The following CCDC148 variants were observed in gnomAD, a reference collection of about 807,000 sequenced individuals.
The protein encoded by CCDC148 is coiled-coil domain containing 148.
In CCDC148, 89 loss-of-function variants were observed where a neutral mutation model predicts 85.7. The ratio of observed to expected loss-of-function variants is 1.04; its 90% CI spans 0.87 to 1.24. CCDC148 has a LOEUF of 1.24. Ranked by LOEUF, CCDC148 falls within the 50% of genes most tolerant of loss-of-function variation. The pLI, the probability that CCDC148 is intolerant of heterozygous loss-of-function variation, is 0.00. For missense variants in CCDC148, 692 were observed against 671.7 expected (o/e 1.03, Z -0.33); for synonymous variants, 230 against 213.9 (o/e 1.08, Z -0.66).
At position 158,327,739 on chromosome 2, in the gene CCDC148, T is replaced by C. The variant is rs139839543; in HGVS notation, c.764+10987A>G. Among the ~76,000 whole-genome samples the C allele has an allele frequency of 4.2e-3, 637 of 152,316 alleles. 1 individual carries two copies. The highest frequency in any genetic ancestry group is 0.014 in the African/African-American group (599 of 41,576). ...TTATTGATATCGTTAAATTCATATA[T>C]TGATGGAAAATATCTCTATAATTAT... On this transcript the variant is annotated intron_variant, in intron 7 of 13. Transcript: ENST00000283233.
At chr2:158,180,047 C>A (rs1684815861) in intron 11 of CCDC148, among the ~76,000 whole-genome samples, 1 of 152,148 alleles carries the variant, frequency 6.6e-6, no homozygotes, top group African/African-American at 2.4e-5. Context: ...AGATGGAATT[C>A]ATCCTTTCAA....
intron 10 of CCDC148, among the ~76,000 whole-genome samples, chr2:158,247,752 A>C (rs1437686422): frequency 6.6e-6 from 1 of 152,068 alleles, no homozygotes; most frequent in Non-Finnish European, 1.5e-5. Context: ...GCTACTCAGG[A>C]GGCTGAGGCA....
chr2:158,339,188 G>T (rs544211888), intron 5 of CCDC148, 103 bp from the exon 6 acceptor site: 3 of 890,666 alleles, frequency 3.4e-6, no homozygotes, highest in African/African-American at 3.3e-5. Flanking sequence ...CAGTGATGAA[G>T]TTTAAAGACC....
intron 9 of CCDC148, among the ~76,000 whole-genome samples, chr2:158,270,033 T>G (rs1689631507): frequency 6.6e-6 from 1 of 152,202 alleles, no homozygotes; most frequent in African/African-American, 2.4e-5. Flanking sequence ...AGGCATGTCT[T>G]CAAGCATGAG....
At chr2:158,203,848 T>A (rs1007965563) in intron 11 of CCDC148, among the ~76,000 whole-genome samples, 3 of 152,202 alleles carry the variant, frequency 2.0e-5, no homozygotes, top group Non-Finnish European at 4.4e-5. Context: ...GATTTAAACA[T>A]TAAAACCATT....
chr2:158,435,666 A>G (rs543822960), intron 1 of CCDC148, among the ~76,000 whole-genome samples: 189 of 152,348 alleles, frequency 1.2e-3, no homozygotes, highest in African/African-American at 4.4e-3. Flanking sequence ...GCTCCAATTA[A>G]AAGACACAGA....
At chr2:158,225,578 A>C (rs1424661133) in intron 10 of CCDC148, among the ~76,000 whole-genome samples, 1 of 152,240 alleles carries the variant, frequency 6.6e-6, no homozygotes, top group Non-Finnish European at 1.5e-5. Context: ...CAGCAAATGT[A>C]AAAGAATAGA....
intron 10 of CCDC148, among the ~76,000 whole-genome samples, chr2:158,227,191 G>A (rs1038278072): frequency 2.0e-4 from 30 of 152,042 alleles, no homozygotes; most frequent in African/African-American, 7.2e-4. Flanking sequence ...AATCATGAGT[G>A]AACTCCCATT....
At position 158,438,731 on chromosome 2, in the gene CCDC148, C is replaced by T. The variant is rs566304537; in HGVS notation, c.25+17684G>A. Among the ~76,000 whole-genome samples the T allele has an allele frequency of 2.8e-3, 427 of 152,242 alleles. 3 individuals are homozygous for T. The highest frequency in any genetic ancestry group is 9.6e-3 in the African/African-American group (400 of 41,534). On this transcript the variant is annotated intron_variant, in intron 1 of 13. Transcript: ENST00000283233. Reference sequence around the variant, plus strand: ...AAATTTTTGCAATCTACTCATCTGACGAAGGGCTAATATCCAGAATCTACA... The same window carrying T: ...AAATTTTTGCAATCTACTCATCTGATGAAGGGCTAATATCCAGAATCTACA...
chr2:158,456,398 A>G lies in CCDC148; in HGVS notation c.25+17T>C. ...TCAGGAGGAAGCAGCGATGGAAGGGATGGGGTGCAAACTCACCTGGAGAAG... is the reference window on the plus strand; with the variant it reads ...TCAGGAGGAAGCAGCGATGGAAGGGGTGGGGTGCAAACTCACCTGGAGAAG... On this transcript the variant is annotated intron_variant, in intron 1 of 13. Transcript: ENST00000283233. 6.2e-7 allele frequency: 1 copy of G among 1,611,138 alleles called. No individual in the cohort carries two copies. Among genetic ancestry groups the G allele is most frequent in the Non-Finnish European group, 8.5e-7 (1 of 1,178,742 alleles).
chr2:158,202,896 T>C (rs1222535941), intron 11 of CCDC148, among the ~76,000 whole-genome samples: 2 of 152,232 alleles, frequency 1.3e-5, no homozygotes, highest in African/African-American at 2.4e-5. Flanking sequence ...GGCTGCCCTT[T>C]AGCTGCCTAG....
At chr2:158,288,694 C>T (rs1191255648) in intron 9 of CCDC148, 3 of 313,358 alleles carry the variant, frequency 9.6e-6, no homozygotes, top group African/African-American at 6.8e-5. Flanking sequence ...TCTGAGCCTT[C>T]CACACTGTTC....
At chr2:158,193,925 G>C (rs1293348747) in intron 11 of CCDC148, among the ~76,000 whole-genome samples, 3 of 131,014 alleles carry the variant, frequency 2.3e-5, no homozygotes, top group African/African-American at 9.0e-5. Flanking sequence ...TAAATGATGA[G>C]TTAATGGGTG....
At chr2:158,272,267 G>A (rs1689731228) in intron 9 of CCDC148, among the ~76,000 whole-genome samples, 1 of 152,102 alleles carries the variant, frequency 6.6e-6, no homozygotes, top group Non-Finnish European at 1.5e-5. Flanking sequence ...TCAGTAACAA[G>A]CAGAGCATGT....
At chr2:158,329,548 A>G (rs1328433340) in intron 7 of CCDC148, among the ~76,000 whole-genome samples, 1 of 151,960 alleles carries the variant, frequency 6.6e-6, no homozygotes, top group Non-Finnish European at 1.5e-5. Context: ...TCTGTGAAGA[A>G]AGTCATTGGT....
intron 1 of CCDC148, among the ~76,000 whole-genome samples, chr2:158,395,792 G>A (rs1041595759): frequency 6.6e-6 from 1 of 152,078 alleles, no homozygotes; most frequent in African/African-American, 2.4e-5. Flanking sequence ...GCAAGTTGCT[G>A]CTATTATTTT....
chr2:158,276,717 T>C (rs1689964191), intron 9 of CCDC148, among the ~76,000 whole-genome samples: 1 of 152,204 alleles, frequency 6.6e-6, no homozygotes, highest in Non-Finnish European at 1.5e-5. Context: ...TGAGGACTTT[T>C]CTTTCAGCCA....
At chr2:158,208,994 C>G (rs1454116452) in intron 11 of CCDC148, among the ~76,000 whole-genome samples, 1 of 151,374 alleles carries the variant, frequency 6.6e-6, no homozygotes, top group Non-Finnish European at 1.5e-5. Context: ...CTTCATTAAC[C>G]TTCTAATTCT....
intron 11 of CCDC148, among the ~76,000 whole-genome samples, chr2:158,205,956 T>G (rs944831568): frequency 1.3e-5 from 2 of 152,134 alleles, no homozygotes; most frequent in Non-Finnish European, 2.9e-5. Flanking sequence ...AGCACAATCA[T>G]GCCTTCTTTG....
Sources: allele counts gnomAD v4.1 joint callset (sites outside exome capture counted in the v4.1 genomes callset), GRCh38; gene constraint gnomAD v4.1.1; transcripts MANE v1.5; gene names NCBI Gene and HGNC (gene_info 2026-07-23, HGNC 2026-07-21).